The following PLCL1 variants were observed in gnomAD, a reference collection of about 807,000 sequenced individuals.
The protein encoded by PLCL1 is inactive phospholipase C-like protein 1.
A neutral mutation model predicts 84.4 loss-of-function variants in PLCL1; 41 were observed. That is an observed-to-expected ratio of 0.49 (90% CI 0.38 to 0.63). PLCL1 has a LOEUF of 0.63. PLCL1 is among the 30% of genes least tolerant of loss of function. The pLI is 0.00. For synonymous variants in PLCL1, 490 were observed against 488.3 expected (o/e 1.00, Z -0.05); for missense variants, 1,206 against 1,367.8 (o/e 0.88, Z 1.87).
chr2:197,982,226 T>C (rs1559064051), intron 1 of PLCL1, among the ~76,000 whole-genome samples: 1 of 151,314 alleles, frequency 6.6e-6, no homozygotes, highest in Non-Finnish European at 1.5e-5. Flanking sequence ...TATATATATA[T>C]ATGAAAGTCT....
intron 1 of PLCL1, among the ~76,000 whole-genome samples, chr2:197,825,808 C>A (rs1690916565): frequency 6.6e-6 from 1 of 152,216 alleles, no homozygotes; most frequent in African/African-American, 2.4e-5. Context: ...GCCTCAGTTT[C>A]TTCATTGGTA....
At chr2:198,071,918 G>C (rs1251834764) in intron 1 of PLCL1, among the ~76,000 whole-genome samples, 1 of 151,654 alleles carries the variant, frequency 6.6e-6, no homozygotes, top group Non-Finnish European at 1.5e-5. Flanking sequence ...CAGAAATCTA[G>C]CTTTTTTGTT....
At chr2:197,983,844 C>A (rs902442159) in intron 1 of PLCL1, among the ~76,000 whole-genome samples, 8 of 152,086 alleles carry the variant, frequency 5.3e-5, no homozygotes, top group Admixed American at 5.2e-4. Flanking sequence ...AATACATAGA[C>A]CTGCAAAAAT....
At chr2:197,849,398 T>A (rs1293173733) in intron 1 of PLCL1, among the ~76,000 whole-genome samples, 1 of 152,052 alleles carries the variant, frequency 6.6e-6, no homozygotes, top group African/African-American at 2.4e-5. Context: ...TAACAAAAAA[T>A]TAGCAAAAGA....
chr2:197,923,137 C>G (rs1306882835), intron 1 of PLCL1, among the ~76,000 whole-genome samples: 3 of 144,960 alleles, frequency 2.1e-5, no homozygotes, highest in Non-Finnish European at 4.6e-5. Context: ...GGGCTCCTCA[C>G]TTCCCAGTAG....
chr2:198,024,910 T>C (rs191799959), intron 1 of PLCL1, among the ~76,000 whole-genome samples: 2 of 152,298 alleles, frequency 1.3e-5, no homozygotes, highest in Admixed American at 1.3e-4. Context: ...CTAATGATAC[T>C]TCCATAAACA....
intron 1 of PLCL1, among the ~76,000 whole-genome samples, chr2:197,874,229 A>T (rs1192572766): frequency 6.6e-6 from 1 of 152,138 alleles, no homozygotes; most frequent in Non-Finnish European, 1.5e-5. Flanking sequence ...CTTTTTTAAC[A>T]TCAACTTACT....
intron 1 of PLCL1, among the ~76,000 whole-genome samples, chr2:197,954,295 A>G (rs1317672522): frequency 6.6e-6 from 1 of 152,138 alleles, no homozygotes; most frequent in African/African-American, 2.4e-5. Flanking sequence ...TCAAATGCCA[A>G]ATAATTGGAG....
In PLCL1 at chr2:198,061,507, G is replaced by T. The variant is rs372953655; in HGVS notation, c.241-22251G>T. 2.2e-4 allele frequency among the ~76,000 whole-genome samples: 34 copies of T among 152,250 alleles called. 1 individual carries two copies. Among genetic ancestry groups the T allele is most frequent in the African/African-American group, 7.9e-4 (33 of 41,564 alleles). On this transcript the variant is annotated intron_variant, in intron 1 of 5. Coordinates refer to ENST00000428675, the MANE Select transcript of PLCL1 (RefSeq NM_006226.4). ...GAAGGAAGGGAGGGAAGGGGAACTA[G>T]AGAAGCTGGCTTCATTGGTATATGA...
chr2:198,034,178 T>C (rs1441373969), intron 1 of PLCL1, among the ~76,000 whole-genome samples: 1 of 151,678 alleles, frequency 6.6e-6, no homozygotes, highest in East Asian at 1.9e-4. Context: ...CGGTGTGTGA[T>C]GTCCCCCTTC....
chr2:198,141,315 A>G (rs1040691406), intron 5 of PLCL1, among the ~76,000 whole-genome samples: 8 of 152,126 alleles, frequency 5.3e-5, no homozygotes, highest in Non-Finnish European at 1.2e-4. Context: ...ATTATATGCA[A>G]TTTCCTAATA....
At chr2:197,981,650 G>A (rs1690109321) in intron 1 of PLCL1, among the ~76,000 whole-genome samples, 1 of 152,176 alleles carries the variant, frequency 6.6e-6, no homozygotes, top group Non-Finnish European at 1.5e-5. Flanking sequence ...CTAAAGGGAG[G>A]GAGGAAGTTC....
intron 1 of PLCL1, among the ~76,000 whole-genome samples, chr2:197,841,580 T>C (rs1471063774): frequency 6.6e-6 from 1 of 152,234 alleles, no homozygotes; most frequent in African/African-American, 2.4e-5. Flanking sequence ...TATTCCATTG[T>C]ATGGATGTAC....
At chr2:197,887,956 G>A (rs1041385233) in intron 1 of PLCL1, among the ~76,000 whole-genome samples, 1 of 152,056 alleles carries the variant, frequency 6.6e-6, no homozygotes, top group South Asian at 2.1e-4. Context: ...ATTAAGTGCG[G>A]TGGTGTGTGG....
chr2:197,830,082 T>C (rs1289942097), intron 1 of PLCL1, among the ~76,000 whole-genome samples: 2 of 152,086 alleles, frequency 1.3e-5, no homozygotes, highest in African/African-American at 2.4e-5. Context: ...ATGACTTAGC[T>C]GAAAATTCCA....
At chr2:198,073,639 A>G (rs2105887399) in intron 1 of PLCL1, among the ~76,000 whole-genome samples, 1 of 152,340 alleles carries the variant, frequency 6.6e-6, no homozygotes, top group East Asian at 1.9e-4. Flanking sequence ...GATAATTGAC[A>G]TTGTATTTTA....
chr2:197,976,013 T>C (rs1689974033), intron 1 of PLCL1, among the ~76,000 whole-genome samples: 1 of 151,878 alleles, frequency 6.6e-6, no homozygotes, highest in South Asian at 2.1e-4. Flanking sequence ...AGACCTCTCA[T>C]TCTTTAACTT....
chr2:198,057,946 T>C (rs1349839198), intron 1 of PLCL1, among the ~76,000 whole-genome samples: 4 of 152,172 alleles, frequency 2.6e-5, no homozygotes, highest in African/African-American at 9.7e-5. Flanking sequence ...TGTTGCAGAG[T>C]TGTTCATAGT....
intron 1 of PLCL1, among the ~76,000 whole-genome samples, chr2:197,924,097 G>C (rs1205320372): frequency 2.0e-5 from 3 of 147,598 alleles, no homozygotes; most frequent in East Asian, 4.2e-4. Flanking sequence ...GATGGCAGCA[G>C]TACAGTCCAG....
Sources: gnomAD v4.1 joint callset for allele counts (sites outside exome capture counted in the v4.1 genomes callset) on GRCh38, gnomAD v4.1.1 for gene constraint, MANE v1.5 for transcripts, NCBI Gene and HGNC (gene_info 2026-07-23, HGNC 2026-07-21) for gene names.